Variants in CCM2L observed in about 807,000 individuals in gnomAD.
CCM2L encodes the protein CCM2 like scaffold protein, also known as cerebral cavernous malformations 2 protein-like.
A neutral mutation model predicts 54.1 loss-of-function variants in CCM2L; 36 were observed. The ratio of observed to expected loss-of-function variants is 0.67; its 90% CI spans 0.51 to 0.88. The LOEUF is 0.88. Among genes scored for constraint, CCM2L ranks in the 40% least tolerant of loss-of-function variants. CCM2L has a pLI of 0.00. For synonymous variants in CCM2L, 351 were observed against 359.3 expected (o/e 0.98, Z 0.26); for missense variants, 700 against 812.1 (o/e 0.86, Z 1.68).
intron 6 of CCM2L, among the ~76,000 whole-genome samples, chr20:32,024,591 C>T (rs2064836579): frequency 6.6e-6 from 1 of 152,190 alleles, no homozygotes; most frequent in Non-Finnish European, 1.5e-5. Flanking sequence ...CTTTGGGAGG[C>T]CAAGGCAGGT....
intron 6 of CCM2L, among the ~76,000 whole-genome samples, chr20:32,023,048 A>G (rs1387292955): frequency 2.6e-5 from 4 of 151,812 alleles, no homozygotes. Context: ...GCTCACTGCA[A>G]CCTCCACCTC....
intron 8 of CCM2L, 127 bp downstream of exon 8, chr20:32,029,251 G>A (rs2064895828): frequency 5.2e-6 from 7 of 1,335,046 alleles, no homozygotes; most frequent in Admixed American, 2.1e-5. Context: ...AGCAGGAAAT[G>A]AGGTTAGGAG....
chr20:32,018,829 G>C (rs1391880727), intron 4 of CCM2L, 114 bp from the exon 5 acceptor site: 3 of 1,162,894 alleles, frequency 2.6e-6, no homozygotes, highest in Non-Finnish European at 3.2e-6. Flanking sequence ...AGCCGGGGGC[G>C]AGGCGGCGGT....
At chr20:32,012,785 C>G (rs138790051) in intron 1 of CCM2L, among the ~76,000 whole-genome samples, 51 of 152,298 alleles carry the variant, frequency 3.3e-4, no homozygotes, top group African/African-American at 1.2e-3. Context: ...TCCAGCCATA[C>G]AGGTGTAAAT....
chr20:32,018,639 G>C (rs1338093143), intron 4 of CCM2L, among the ~76,000 whole-genome samples: 1 of 152,080 alleles, frequency 6.6e-6, no homozygotes, highest in Non-Finnish European at 1.5e-5. Flanking sequence ...CCTTGGGAGG[G>C]GACAGCCTGA....
intron 6 of CCM2L, among the ~76,000 whole-genome samples, chr20:32,025,075 CTTTCTTTCTCTCTT>C (rs2064842444): frequency 6.6e-6 from 1 of 151,346 alleles, no homozygotes; most frequent in African/African-American, 2.4e-5. Context: ...TTCTTTCTTT[CTTTCTTTCTCTCTT>C]TCTTTTCTTT....
intron 1 of CCM2L, 125 bp from the exon 2 acceptor site, chr20:32,014,777 TAC>T: frequency 1.1e-6 from 1 of 905,986 alleles, no homozygotes; most frequent in South Asian, 1.8e-5. Flanking sequence ...AAATGGGACT[TAC>T]AGAGGTACCC....
intron 7 of CCM2L, chr20:32,028,793 G>C (rs956282573): frequency 1.6e-6 from 1 of 606,728 alleles, no homozygotes; most frequent in Non-Finnish European, 2.9e-6. Context: ...AGAAGGAGAA[G>C]GGGGGTGGGG....
chr20:32,029,410 T>C (rs2064897701), intron 8 of CCM2L, among the ~76,000 whole-genome samples: 1 of 152,164 alleles, frequency 6.6e-6, no homozygotes, highest in Non-Finnish European at 1.5e-5. Flanking sequence ...AATACCATCA[T>C]TATCCTCACT....
In CCM2L at chr20:32,018,048, C is replaced by T. The variant is rs141338012; in HGVS notation, c.352C>T (p.Leu118=). The T allele has an allele frequency of 2.5e-6, 4 of 1,613,732 alleles. No homozygotes were observed. The African/African-American group carries it at 4.0e-5, about 16-fold the overall frequency. The change falls in exon 4 of 10, where the codon CTG becomes TTG. Residue 118 remains leucine, a synonymous_variant. Transcript: ENST00000452892. ...CATCCTGAGCCTGTCTGCCCGCTGC[C>T]TGCTGCTCACCTGGCGCGACAATGA... The part of the protein sequence containing the change: ...DSILSLSARC[L]LLTWRDNEEL...
At chr20:32,027,286 A>G (rs2064871483) in intron 7 of CCM2L, among the ~76,000 whole-genome samples, 1 of 152,236 alleles carries the variant, frequency 6.6e-6, no homozygotes, top group African/African-American at 2.4e-5. Context: ...TTTAGTGGCA[A>G]TAGATTTGCC....
At chr20:32,021,193 A>G (rs2064803956) in intron 5 of CCM2L, among the ~76,000 whole-genome samples, 2 of 152,212 alleles carry the variant, frequency 1.3e-5, no homozygotes, top group South Asian at 4.2e-4. Context: ...ATTTCACTCC[A>G]AGTAAAAGCT....
Position 32,029,825 on chromosome 20 carries a change from G to T in CCM2L, c.1389G>T (p.Lys463Asn). The T allele has an allele frequency of 1.2e-6, 2 of 1,605,076 alleles. No individual in the cohort carries two copies. The highest frequency in any genetic ancestry group is 2.2e-5 in the South Asian group (2 of 90,384). ...GLLKLYGDRRKFLLLGMRPFI... is the reference protein window; with the variant it reads ...GLLKLYGDRRNFLLLGMRPFI... ...TGAAGCTCTACGGAGACCGGCGCAA[G>T]TTCCTCCTCCTTGGTGAGCCCCCGC... is the stretch of plus-strand genomic sequence containing the variant. The change falls in exon 9 of 10, where the codon AAG (lysine) becomes AAT (asparagine). Residue 463 changes from lysine (K) to asparagine (N), a missense_variant. Lys to Asn is a moderately conservative substitution (Grantham distance 94). Coordinates refer to ENST00000452892, the MANE Select transcript of CCM2L (RefSeq NM_001365692.1).
rs1259954648 is a variant in CCM2L at position 32,019,346 on chromosome 20, C to T, written c.870C>T (p.Leu290=). 6.8e-6 allele frequency: 10 copies of T among 1,475,852 alleles called. 1 individual carries two copies. The Admixed American group carries it at 1.8e-4, about 27-fold the overall frequency. 91.4% of individuals were successfully genotyped at this position (1,475,852 alleles called of 1,614,324 possible). The part of the protein sequence containing the change: ...WERRHPGPNP[L]DPQDPSPDAY... ...GGCGCCACCCCGGCCCCAACCCGCTCGACCCGCAGGACCCCAGCCCCGACG... is the reference window on the plus strand; with the variant it reads ...GGCGCCACCCCGGCCCCAACCCGCTTGACCCGCAGGACCCCAGCCCCGACG... Residue 290 remains leucine, a synonymous_variant, in exon 5 of 10, where the codon CTC becomes CTT. Transcript: ENST00000452892.
chr20:32,029,866 C>T, intron 9 of CCM2L, 28 bp downstream of exon 9: 1 of 1,558,138 alleles, frequency 6.4e-7, no homozygotes, highest in Non-Finnish European at 8.7e-7. Flanking sequence ...CCCCAGAGGT[C>T]AGCTAGGGCC....
intron 5 of CCM2L, among the ~76,000 whole-genome samples, chr20:32,022,437 T>C (rs1438413716): frequency 6.6e-6 from 1 of 152,178 alleles, no homozygotes; most frequent in Non-Finnish European, 1.5e-5. Context: ...CTGGGGTACA[T>C]TTTTCATGGC....
chr20:32,026,705 A>G (rs1472897251), intron 7 of CCM2L, among the ~76,000 whole-genome samples: 1 of 151,986 alleles, frequency 6.6e-6, no homozygotes, highest in Non-Finnish European at 1.5e-5. Flanking sequence ...GCGAAACCCC[A>G]TCTCCACCAA....
In CCM2L at chr20:32,031,462, G is replaced by A. The variant is rs2064927922; in HGVS notation, c.*148G>A. The A allele has an allele frequency of 5.2e-6, 3 of 576,752 alleles. No individual in the cohort carries two copies. The highest frequency in any genetic ancestry group is 3.9e-5 in the Admixed American group (1 of 25,960). The allele number at this position is 576,752 out of a possible 1,614,324, so 35.7% of individuals were successfully genotyped here. ...GTCTCGCTCCCTGCCCTTGGGGCCC[G>A]GGGCCATGCAGTACCTGGAGTGTCC... is the stretch of plus-strand genomic sequence containing the variant. On this transcript the variant is annotated 3_prime_UTR_variant, in exon 10 of 10. Transcript: ENST00000452892.
chr20:32,019,892 T>G (rs943903202), intron 5 of CCM2L, among the ~76,000 whole-genome samples: 2 of 152,110 alleles, frequency 1.3e-5, no homozygotes, highest in African/African-American at 4.8e-5. Flanking sequence ...ACGTGGTGGT[T>G]TTAAGATTCA....
Sources: gnomAD v4.1 joint callset for allele counts (sites outside exome capture counted in the v4.1 genomes callset) on GRCh38, gnomAD v4.1.1 for gene constraint, MANE v1.5 for transcripts, NCBI Gene and HGNC (gene_info 2026-07-23, HGNC 2026-07-21) for gene names.